DPP6: variants seen among roughly 807,000 people sequenced by gnomAD.
The protein encoded by DPP6 is dipeptidyl peptidase like 6.
Under a neutral mutation model 122.6 loss-of-function variants are expected in DPP6, and 69 were observed. That is an observed-to-expected ratio of 0.56 (90% confidence interval 0.46 to 0.69). The LOEUF (loss-of-function observed/expected upper bound fraction) is 0.69, where lower values mean the gene tolerates loss of function less well. Ranked by LOEUF, DPP6 falls within the 30% of genes least tolerant of loss-of-function variation. DPP6 has a pLI of 0.00. For missense variants in DPP6, 928 were observed against 1,116.9 expected, an observed-to-expected ratio of 0.83 and a Z score of 2.41; for synonymous variants, 418 against 433.1, an observed-to-expected ratio of 0.97 and a Z score of 0.43.
intron 2 of DPP6, among the ~76,000 whole-genome samples, chr7:154,451,976 C>T (rs988775743): frequency 6.6e-6 from 1 of 152,226 alleles, no homozygotes; most frequent in Non-Finnish European, 1.5e-5. Flanking sequence ...ACAGCAATGG[C>T]TTGTGTTTTG....
rs573612279 is a variant in DPP6, at chr7:154,307,857, T to C, written c.244-138357T>C. ...GTGTAGGGAGACCAGGAAAGAGGAA[T>C]ATGTTTCTTTTTTTTTTTTTTTAAT... On this transcript the variant is annotated intron_variant, in intron 1 of 25. Transcript: ENST00000377770. Among the ~76,000 whole-genome samples the C allele has an allele frequency of 7.3e-4, 110 of 151,140 alleles. 1 individual carries two copies. The highest frequency in any genetic ancestry group is 2.4e-3 in the African/African-American group (101 of 41,298).
intron 1 of DPP6, among the ~76,000 whole-genome samples, chr7:153,924,869 A>G (rs1374648324): frequency 6.6e-6 from 1 of 152,198 alleles, no homozygotes; most frequent in African/African-American, 2.4e-5. Context: ...TGGAGAAGTC[A>G]GAGTCCTGAC....
At chr7:153,886,315 C>A (rs1356368420), upstream of DPP6, among the ~76,000 whole-genome samples, 1 of 152,144 alleles carries the variant, frequency 6.6e-6, no homozygotes, top group African/African-American at 2.4e-5. Context: ...GGAACAGCGC[C>A]CAGGGGCAGC....
intron 1 of DPP6, among the ~76,000 whole-genome samples, chr7:153,914,728 A>T (rs1371640940): frequency 6.6e-6 from 1 of 152,212 alleles, no homozygotes; most frequent in Non-Finnish European, 1.5e-5. Context: ...AGATAAAGAC[A>T]TCAGCGTTCG....
At chr7:154,140,733 C>A (rs924127498) in intron 1 of DPP6, among the ~76,000 whole-genome samples, 1 of 152,150 alleles carries the variant, frequency 6.6e-6, no homozygotes, top group African/African-American at 2.4e-5. Flanking sequence ...TAGAAACACT[C>A]AAAAATTTTT....
chr7:154,200,747 T>A (rs1278093644), intron 1 of DPP6, among the ~76,000 whole-genome samples: 1 of 152,182 alleles, frequency 6.6e-6, no homozygotes, highest in African/African-American at 2.4e-5. Flanking sequence ...ACCAAAGCAG[T>A]ACTATTATTT....
At chr7:154,076,942 G>T (rs1000638270) in intron 1 of DPP6, among the ~76,000 whole-genome samples, 7 of 151,936 alleles carry the variant, frequency 4.6e-5, no homozygotes, top group Non-Finnish European at 1.0e-4. Flanking sequence ...GAAAAGGACC[G>T]AAAAACCACA....
At chr7:154,365,539 A>G (rs1354627985) in intron 1 of DPP6, among the ~76,000 whole-genome samples, 1 of 152,188 alleles carries the variant, frequency 6.6e-6, no homozygotes, top group Non-Finnish European at 1.5e-5. Context: ...TTCAGATCAC[A>G]CTGGAACACA....
At chr7:154,256,677 C>T (rs2150906165) in intron 1 of DPP6, among the ~76,000 whole-genome samples, 1 of 152,284 alleles carries the variant, frequency 6.6e-6, no homozygotes, top group Non-Finnish European at 1.5e-5. Context: ...TGTGATGCTC[C>T]TACACTGTGG....
intron 1 of DPP6, among the ~76,000 whole-genome samples, chr7:154,311,758 G>T (rs1332422198): frequency 6.6e-6 from 1 of 151,958 alleles, no homozygotes; most frequent in Non-Finnish European, 1.5e-5. Flanking sequence ...CTACATCCCG[G>T]GTAGGCCCTT....
At chr7:153,797,231 AC>A in the DPP6 span, among the ~76,000 whole-genome samples, 1 of 152,248 alleles carries the variant, frequency 6.6e-6, no homozygotes, top group Non-Finnish European at 1.5e-5. Flanking sequence ...TTCTTGGCCC[AC>A]AAAAACTATG....
the DPP6 span, among the ~76,000 whole-genome samples, chr7:153,791,424 C>CTTTTTTTTTTTTT: frequency 0.16 from 14,664 of 91,040 alleles, 2,848 homozygotes; most frequent in South Asian, 0.27. Flanking sequence ...TCCTTCCTTT[C>CTTTTTTTTTTTTT]TTTTTTTTTT....
chr7:154,062,049 G>C (rs1262603222), intron 1 of DPP6, among the ~76,000 whole-genome samples: 13 of 108,068 alleles, frequency 1.2e-4, no homozygotes, highest in African/African-American at 4.2e-4. Flanking sequence ...GGCAGGGACT[G>C]ACAGCCAGCC....
intron 1 of DPP6, among the ~76,000 whole-genome samples, chr7:154,045,028 T>G (rs1343688824): frequency 6.6e-6 from 1 of 152,190 alleles, no homozygotes; most frequent in African/African-American, 2.4e-5. Context: ...AGTTGTGGTA[T>G]GATAGTTTGA....
the DPP6 span, among the ~76,000 whole-genome samples, chr7:153,769,162 GT>G: frequency 6.6e-6 from 1 of 152,188 alleles, no homozygotes; most frequent in African/African-American, 2.4e-5. Flanking sequence ...GTAATTATGA[GT>G]TTTTGCTGAT....
At chr7:154,112,882 G>T (rs1806697061) in intron 1 of DPP6, among the ~76,000 whole-genome samples, 1 of 152,082 alleles carries the variant, frequency 6.6e-6, no homozygotes. Flanking sequence ...CCCATGGAAC[G>T]CCTCCCATTT....
intron 1 of DPP6, among the ~76,000 whole-genome samples, chr7:153,942,528 A>T (rs1325678275): frequency 1.3e-5 from 2 of 152,072 alleles, no homozygotes; most frequent in East Asian, 3.9e-4. Flanking sequence ...GGTGGAGAGG[A>T]GGTCAGTAAT....
At chr7:154,541,300 G>A (rs140569220) in intron 4 of DPP6, among the ~76,000 whole-genome samples, 3 of 151,970 alleles carry the variant, frequency 2.0e-5, no homozygotes. Flanking sequence ...CCAGCTAATT[G>A]TTTTTGTTTT....
chr7:154,235,773 A>G lies in DPP6; in HGVS notation c.243+182710A>G, dbSNP rs115250968. On this transcript the variant is annotated intron_variant, in intron 1 of 25. Coordinates refer to ENST00000377770, the MANE Select transcript of DPP6 (RefSeq NM_130797.4). ...TTTGAATTTAATCTGCCTAGATTCAAAATTTGCCATGCCATTTCTTAGGTG... is the reference window on the plus strand; with the variant it reads ...TTTGAATTTAATCTGCCTAGATTCAGAATTTGCCATGCCATTTCTTAGGTG... Among the ~76,000 whole-genome samples the G allele has an allele frequency of 7.4e-3, 1,132 of 152,344 alleles. 16 individuals are homozygous for G. The highest frequency in any genetic ancestry group is 0.026 in the African/African-American group (1,067 of 41,568).
Sources: allele counts gnomAD v4.1 joint callset (sites outside exome capture counted in the v4.1 genomes callset), GRCh38; gene constraint gnomAD v4.1.1; transcripts MANE v1.5; gene names NCBI Gene and HGNC (gene_info 2026-07-23, HGNC 2026-07-21).